The following TENM2 variants were observed in gnomAD, a reference collection of about 807,000 sequenced individuals.
The protein encoded by TENM2 is teneurin transmembrane protein 2.
TENM2 carries 52 observed loss-of-function variants against 245.2 expected under a neutral mutation model. The observed-to-expected ratio is 0.21, with a 90% CI of 0.17 to 0.27. The LOEUF is 0.27. Among genes scored for constraint, TENM2 ranks in the 10% least tolerant of loss-of-function variants. TENM2 has a pLI of 1.00. For missense variants in TENM2, 3,046 were observed against 3,666.8 expected, an observed-to-expected ratio of 0.83 and a Z score of 4.37; for synonymous variants, 1,363 against 1,438.9, an observed-to-expected ratio of 0.95 and a Z score of 1.19.
intron 2 of TENM2, among the ~76,000 whole-genome samples, chr5:167,685,828 G>A (rs548469849): frequency 1.1e-4 from 16 of 152,280 alleles, no homozygotes; most frequent in African/African-American, 2.9e-4. Context: ...TATAGAGGGC[G>A]TGCAGCACCA....
intron 2 of TENM2, among the ~76,000 whole-genome samples, chr5:167,440,804 T>C (rs890448432): frequency 3.3e-5 from 5 of 152,136 alleles, no homozygotes; most frequent in Admixed American, 6.5e-5. Flanking sequence ...TCTAACTTTT[T>C]GTGCATCTAC....
chr5:167,525,468 T>C (rs1022380664), intron 2 of TENM2, among the ~76,000 whole-genome samples: 1 of 152,158 alleles, frequency 6.6e-6, no homozygotes, highest in African/African-American at 2.4e-5. Flanking sequence ...GGCTCAGCTC[T>C]ACTGAGATTT....
At chr5:167,974,026 A>G (rs117532211) in intron 4 of TENM2, among the ~76,000 whole-genome samples, 5,128 of 36,314 alleles carry the variant, frequency 0.14, 623 homozygotes, top group East Asian at 0.62. Flanking sequence ...GGAGGGAGGA[A>G]GGAAGGAAGG....
At chr5:167,787,838 G>A (rs1764688983) in intron 2 of TENM2, among the ~76,000 whole-genome samples, 1 of 152,202 alleles carries the variant, frequency 6.6e-6, no homozygotes, top group African/African-American at 2.4e-5. Flanking sequence ...AGGATTGTTG[G>A]TGAAGGTAGA....
intron 5 of TENM2, among the ~76,000 whole-genome samples, chr5:168,002,935 T>C (rs1197686528): frequency 6.6e-6 from 1 of 152,096 alleles, no homozygotes; most frequent in Non-Finnish European, 1.5e-5. Flanking sequence ...TGGATCCAGA[T>C]CCCAAAAAGC....
the TENM2 span, among the ~76,000 whole-genome samples, chr5:167,168,632 A>T: frequency 6.6e-6 from 1 of 152,236 alleles, no homozygotes; most frequent in Non-Finnish European, 1.5e-5. Context: ...CTTATTTTAC[A>T]GTTACTGATG....
the TENM2 span, among the ~76,000 whole-genome samples, chr5:167,270,414 A>G: frequency 3.4e-4 from 52 of 152,274 alleles, no homozygotes; most frequent in African/African-American, 7.9e-4. Context: ...GGAGATTCAC[A>G]CATACCTGTT....
intron 2 of TENM2, among the ~76,000 whole-genome samples, chr5:167,863,853 A>G (rs1446392581): frequency 6.6e-6 from 1 of 152,162 alleles, no homozygotes; most frequent in Non-Finnish European, 1.5e-5. Flanking sequence ...TTTTTCAGAT[A>G]CAAGGCAATG....
chr5:168,211,786 G>C, intron 20 of TENM2, 32 bp downstream of exon 22: 1 of 1,299,576 alleles, frequency 7.7e-7, no homozygotes, highest in Non-Finnish European at 1.1e-6. Flanking sequence ...CATATAATTT[G>C]ATATGGTTCG....
At chr5:168,162,740 A>G (rs1415641467) in exon 13 of TENM2, 1 of 1,613,938 alleles carries the variant, frequency 6.2e-7, no homozygotes, top group Non-Finnish European at 8.5e-7. Context: ...TGTGCTGATA[A>G]CAAGGATAAT....
chr5:168,071,000 G>T (rs1438294749), intron 7 of TENM2, among the ~76,000 whole-genome samples: 1 of 152,004 alleles, frequency 6.6e-6, no homozygotes, highest in African/African-American at 2.4e-5. Context: ...GAAAGAGAAA[G>T]AAACTGCTGT....
At chr5:167,083,728 C>T in the TENM2 span, among the ~76,000 whole-genome samples, 1 of 152,100 alleles carries the variant, frequency 6.6e-6, no homozygotes, top group Non-Finnish European at 1.5e-5. Context: ...ATGTTACTGC[C>T]CACCAAGTTT....
At chr5:167,851,127 G>A (rs1165347828) in intron 2 of TENM2, among the ~76,000 whole-genome samples, 1 of 152,056 alleles carries the variant, frequency 6.6e-6, no homozygotes, top group Non-Finnish European at 1.5e-5. Context: ...TCCCAACTTG[G>A]AAATTATGTT....
intron 2 of TENM2, among the ~76,000 whole-genome samples, chr5:167,427,533 AT>A (rs1438840412): frequency 1.5e-5 from 2 of 133,286 alleles, no homozygotes; most frequent in Non-Finnish European, 3.3e-5. Context: ...GGAGGGAAGG[AT>A]GGGAAGGAAG....
At chr5:167,848,631 C>T (rs1486802277) in intron 2 of TENM2, among the ~76,000 whole-genome samples, 3 of 152,180 alleles carry the variant, frequency 2.0e-5, no homozygotes, top group Non-Finnish European at 4.4e-5. Context: ...ATTTCTCGGA[C>T]AGTCATTGCT....
intron 2 of TENM2, among the ~76,000 whole-genome samples, chr5:167,848,810 A>G (rs1770293657): frequency 6.6e-6 from 1 of 152,200 alleles, no homozygotes; most frequent in African/African-American, 2.4e-5. Flanking sequence ...TTGGGAGGCT[A>G]AACGTCTTCC....
At chr5:167,651,944 A>G (rs1561639661) in intron 2 of TENM2, among the ~76,000 whole-genome samples, 2 of 152,172 alleles carry the variant, frequency 1.3e-5, no homozygotes, top group Non-Finnish European at 2.9e-5. Context: ...TGCAGATGGC[A>G]TATTTGGTTT....
At chr5:167,767,479 T>C (rs1763110428) in intron 2 of TENM2, among the ~76,000 whole-genome samples, 1 of 152,228 alleles carries the variant, frequency 6.6e-6, no homozygotes, top group Non-Finnish European at 1.5e-5. Flanking sequence ...TGGATGGTGA[T>C]GATGGCTGCC....
At chr5:167,589,069 G>A (rs890655733) in intron 2 of TENM2, among the ~76,000 whole-genome samples, 1 of 152,064 alleles carries the variant, frequency 6.6e-6, no homozygotes, top group Non-Finnish European at 1.5e-5. Context: ...GGGTCTATTG[G>A]CACACACCTA....
Sources: gnomAD v4.1 joint callset for allele counts (sites outside exome capture counted in the v4.1 genomes callset) on GRCh38, gnomAD v4.1.1 for gene constraint, MANE v1.5 for transcripts, NCBI Gene and HGNC (gene_info 2026-07-23, HGNC 2026-07-21) for gene names.